DNAH12: variants seen among roughly 807,000 people sequenced by gnomAD.
DNAH12 encodes axonemal beta dynein heavy chain 12.
DNAH12 carries 285 observed loss-of-function variants against 371.5 expected under a neutral mutation model. The observed-to-expected ratio is 0.77, with a 90% CI of 0.70 to 0.85. The LOEUF is 0.85. DNAH12 is among the 40% of genes least tolerant of loss of function. The pLI is 0.00. For missense variants in DNAH12, 3,611 were observed against 3,689.4 expected (o/e 0.98, Z 0.55); for synonymous variants, 1,200 against 1,213.0 (o/e 0.99, Z 0.22).
intron 43 of DNAH12, among the ~76,000 whole-genome samples, chr3:57,402,856 G>A (rs782011563): frequency 6.6e-5 from 10 of 152,172 alleles, no homozygotes; most frequent in South Asian, 4.1e-4. Flanking sequence ...GATGTTCTAC[G>A]TGATAGATAT....
chr3:57,498,631 T>C (rs1224065844), intron 11 of DNAH12: 4 of 707,240 alleles, frequency 5.7e-6, no homozygotes, highest in Middle Eastern at 2.3e-4. Flanking sequence ...ACTGGAAACA[T>C]CTCAAATATC....
chr3:57,546,215 C>T (rs2069563581), upstream of DNAH12, among the ~76,000 whole-genome samples: 1 of 152,188 alleles, frequency 6.6e-6, no homozygotes, highest in Admixed American at 6.5e-5. Flanking sequence ...ACCCCAGCCT[C>T]ATAGGGGGCA....
chr3:57,422,489 C>T (rs1559641676), intron 35 of DNAH12, among the ~76,000 whole-genome samples: 1 of 152,066 alleles, frequency 6.6e-6, no homozygotes, highest in Non-Finnish European at 1.5e-5. Flanking sequence ...ACACCGCGCC[C>T]GGCCTCTAAC....
chr3:57,508,904 G>T (rs2067878054), intron 6 of DNAH12, among the ~76,000 whole-genome samples: 1 of 152,142 alleles, frequency 6.6e-6, no homozygotes, highest in Admixed American at 6.6e-5. Flanking sequence ...ATACCCCAAA[G>T]CTTACTCAAG....
chr3:57,295,963 TATCTC>T lies in DNAH12; in HGVS notation c.11624+376_11625-372del, dbSNP rs201321375. Among the ~76,000 whole-genome samples, 27 of 152,324 alleles carry T rather than the reference TATCTC, an allele frequency of 1.8e-4. 1 individual carries two copies. In the East Asian group the frequency reaches 5.2e-3, roughly 29 times the overall value. On this transcript the variant is annotated intron_variant, in intron 72 of 73. Transcript: ENST00000495027. ...GTATTTATTGTAAATATTTATTTAT[TATCTC>T]ATCAAAATGCAAGAAAAGGTTTCCC...
At chr3:57,372,100 G>A (rs1039414613) in intron 55 of DNAH12, among the ~76,000 whole-genome samples, 4 of 151,736 alleles carry the variant, frequency 2.6e-5, no homozygotes, top group Non-Finnish European at 4.4e-5. Flanking sequence ...ATAGTTTATT[G>A]TATAATTCAA....
chr3:57,374,673 A>G (rs931326394), intron 55 of DNAH12, among the ~76,000 whole-genome samples: 2 of 152,164 alleles, frequency 1.3e-5, no homozygotes, highest in Non-Finnish European at 2.9e-5. Flanking sequence ...AGGAGAATAC[A>G]TAAACAGTGA....
intron 11 of DNAH12, among the ~76,000 whole-genome samples, chr3:57,497,850 A>T (rs1288510397): frequency 6.6e-6 from 1 of 152,218 alleles, no homozygotes; most frequent in Admixed American, 6.5e-5. Context: ...CAAGGCATAA[A>T]CTATGAGATA....
chr3:57,401,725 T>C (rs1325625378), intron 43 of DNAH12, among the ~76,000 whole-genome samples: 4 of 149,854 alleles, frequency 2.7e-5, no homozygotes, highest in South Asian at 2.1e-4. Context: ...ATGAATGAAA[T>C]AGAGAATAGA....
At chr3:57,538,311 CT>C (rs1308700435) in intron 2 of DNAH12, among the ~76,000 whole-genome samples, 2 of 152,222 alleles carry the variant, frequency 1.3e-5, no homozygotes, top group Non-Finnish European at 2.9e-5. Flanking sequence ...CAATTCTAAT[CT>C]CAGTATTAAT....
chr3:57,479,236 C>A (rs1268026105), intron 13 of DNAH12, among the ~76,000 whole-genome samples: 1 of 151,886 alleles, frequency 6.6e-6, no homozygotes, highest in African/African-American at 2.4e-5. Flanking sequence ...ATCTACCAAG[C>A]AAATGGAAAA....
intron 37 of DNAH12, among the ~76,000 whole-genome samples, chr3:57,417,196 G>A (rs532144809): frequency 1.9e-4 from 29 of 152,214 alleles, no homozygotes; most frequent in African/African-American, 7.0e-4. Context: ...GTTGTGGTGA[G>A]CTGAGATTGT....
chr3:57,303,305 C>T (rs1014043583), intron 69 of DNAH12, among the ~76,000 whole-genome samples: 1 of 143,314 alleles, frequency 7.0e-6, no homozygotes, highest in Non-Finnish European at 1.5e-5. Flanking sequence ...TGCCACTGCA[C>T]TCCAGCCTGG....
At chr3:57,492,290 G>A (rs1159861914) in intron 11 of DNAH12, among the ~76,000 whole-genome samples, 1 of 151,932 alleles carries the variant, frequency 6.6e-6, no homozygotes, top group Non-Finnish European at 1.5e-5. Context: ...GAGCAACCGT[G>A]TCTCTACTAA....
intron 39 of DNAH12, 77 bp from the exon 40 acceptor site, chr3:57,408,612 G>T (rs1575559849): frequency 1.5e-6 from 2 of 1,372,582 alleles, no homozygotes; most frequent in Non-Finnish European, 1.9e-6. Context: ...GATCTCCCAA[G>T]AAATTTAATC....
chr3:57,433,275 C>T (rs2065010881), intron 32 of DNAH12, 92 bp downstream of exon 32: 2 of 1,345,784 alleles, frequency 1.5e-6, no homozygotes, highest in Middle Eastern at 2.1e-4. Flanking sequence ...ATTTTTGCAT[C>T]CTTTATTTTA....
intron 60 of DNAH12, among the ~76,000 whole-genome samples, chr3:57,348,685 A>C (rs951539833): frequency 2.0e-5 from 3 of 152,218 alleles, no homozygotes; most frequent in Non-Finnish European, 4.4e-5. Flanking sequence ...AGATATAGAA[A>C]ACTATGAAAC....
rs62779960 is a variant in DNAH12 at position 57,294,176 on chromosome 3, CTTTTTTT to C, written c.11693-212_11693-206del. Among the ~76,000 whole-genome samples, 289 of 129,084 alleles carry C rather than the reference CTTTTTTT, an allele frequency of 2.2e-3. 1 individual carries two copies. Among genetic ancestry groups the C allele is most frequent in the African/African-American group, 8.3e-3 (284 of 34,162 alleles). 84.7% of individuals were successfully genotyped at this position (129,084 alleles called of 152,430 possible). ...ACAAGGCAAGTATTTCTTTTCTTTT[CTTTTTTT>C]TTTTTTTTTTGGAGACTGAGTCTCA... On this transcript the variant is annotated intron_variant, in intron 73 of 73. Coordinates refer to ENST00000495027, the MANE Select transcript of DNAH12 (RefSeq NM_001366028.2).
intron 64 of DNAH12, among the ~76,000 whole-genome samples, chr3:57,322,728 G>C (rs1311634752): frequency 6.6e-6 from 1 of 152,150 alleles, no homozygotes; most frequent in African/African-American, 2.4e-5. Context: ...TCAGGAGTTC[G>C]AGACCAGGCT....
Sources: allele counts gnomAD v4.1 joint callset (sites outside exome capture counted in the v4.1 genomes callset), GRCh38; gene constraint gnomAD v4.1.1; transcripts MANE v1.5; gene names NCBI Gene and HGNC (gene_info 2026-07-23, HGNC 2026-07-21).